Variants in SGCG observed in about 807,000 individuals in gnomAD.
The protein encoded by SGCG is gamma-sarcoglycan.
Under a neutral mutation model 29.3 loss-of-function variants are expected in SGCG, and 26 were observed. The observed-to-expected ratio is 0.89, with a 90% CI of 0.65 to 1.23. SGCG has a LOEUF of 1.23. Ranked by LOEUF, SGCG falls within the 50% of genes most tolerant of loss-of-function variation. The pLI is 0.00. For missense variants in SGCG, 353 were observed against 356.0 expected (o/e 0.99, Z 0.07); for synonymous variants, 145 against 129.7 (o/e 1.12, Z -0.80).
At chr13:23,166,525 T>G in the SGCG span, among the ~76,000 whole-genome samples, 1 of 152,176 alleles carries the variant, frequency 6.6e-6, no homozygotes, top group Non-Finnish European at 1.5e-5. Flanking sequence ...TCCCTGTATT[T>G]GTCTGTCTGT....
At chr13:23,290,439 T>C (rs1881656282) in intron 5 of SGCG, among the ~76,000 whole-genome samples, 1 of 152,230 alleles carries the variant, frequency 6.6e-6, no homozygotes, top group Non-Finnish European at 1.5e-5. Context: ...TAATCGTTTT[T>C]CTGGTGTCAA....
Position 23,260,980 on chromosome 13 carries a change from A to G in SGCG, c.385+10263A>G, listed in dbSNP as rs140642045. On this transcript the variant is annotated intron_variant, in intron 4 of 7. Coordinates refer to ENST00000218867, the MANE Select transcript of SGCG (RefSeq NM_000231.3). ...GGCTGCCGTTAACATTTTTTCCTTC[A>G]TTTCAACCTTGGTGAATCTGACAAT... Among the ~76,000 whole-genome samples the G allele has an allele frequency of 2.8e-3, 429 of 152,042 alleles. 3 individuals carry two copies. Among genetic ancestry groups the G allele is most frequent in the African/African-American group, 9.9e-3 (411 of 41,482 alleles).
chr13:23,225,288 A>ATTT (rs1878853290), intron 2 of SGCG, among the ~76,000 whole-genome samples: 1 of 152,186 alleles, frequency 6.6e-6, no homozygotes, highest in Non-Finnish European at 1.5e-5. Context: ...TTGAAACATT[A>ATTT]TTTTGTATTA....
At chr13:23,299,562 C>T (rs1396469263) in intron 6 of SGCG, among the ~76,000 whole-genome samples, 2 of 149,154 alleles carry the variant, frequency 1.3e-5, no homozygotes, top group South Asian at 4.3e-4. Context: ...ACACCATTCT[C>T]CTGCCTCAGC....
rs116686665 is a variant in SGCG at position 23,199,399 on chromosome 13, C to G, written c.1-4296C>G. Among the ~76,000 whole-genome samples, 227 of 152,288 alleles carry G rather than the reference C, an allele frequency of 1.5e-3. 1 individual carries two copies. The highest frequency in any genetic ancestry group is 5.3e-3 in the African/African-American group (222 of 41,566). Reference sequence around the variant, plus strand: ...ACATGAATACCACTAATGCAGTTGCCTGACCTCCAAGTGCTGAAGCATTGA... The same window carrying G: ...ACATGAATACCACTAATGCAGTTGCGTGACCTCCAAGTGCTGAAGCATTGA... On this transcript the variant is annotated intron_variant, in intron 1 of 7. Coordinates refer to ENST00000218867, the MANE Select transcript of SGCG (RefSeq NM_000231.3).
At chr13:23,163,534 C>A in the SGCG span, among the ~76,000 whole-genome samples, 5 of 152,124 alleles carry the variant, frequency 3.3e-5, no homozygotes, top group African/African-American at 7.2e-5. Flanking sequence ...TAAATTAAAT[C>A]CCAGCATGGA....
At chr13:23,252,912 G>A (rs546414518) in intron 4 of SGCG, among the ~76,000 whole-genome samples, 1 of 152,246 alleles carries the variant, frequency 6.6e-6, no homozygotes, top group Admixed American at 6.5e-5. Context: ...AAACAGGAAA[G>A]ACTGAGGGCT....
intron 1 of SGCG, among the ~76,000 whole-genome samples, chr13:23,187,265 G>A (rs1230416697): frequency 2.6e-5 from 4 of 152,228 alleles, no homozygotes; most frequent in Non-Finnish European, 5.9e-5. Flanking sequence ...GGCTGTTAAC[G>A]TGGTAAAAGA....
rs60718653 is a variant in SGCG, at chr13:23,225,780, T to TACACACACACACACACAC, written c.196-8820_196-8803dup. ...CCAGGCCCTCTGAGAGGACATGTCA[T>TACACACACACACACACAC]ACACACACACACACACACACACACA... On this transcript the variant is annotated intron_variant, in intron 2 of 7. Coordinates refer to ENST00000218867, the MANE Select transcript of SGCG (RefSeq NM_000231.3). Among the ~76,000 whole-genome samples, 843 of 148,646 alleles carry TACACACACACACACACAC rather than the reference T, an allele frequency of 5.7e-3. 6 individuals carry two copies. Among genetic ancestry groups the TACACACACACACACACAC allele is most frequent in the African/African-American group, 0.016 (652 of 40,022 alleles).
chr13:23,229,205 A>G (rs999859293), intron 2 of SGCG, among the ~76,000 whole-genome samples: 2 of 152,112 alleles, frequency 1.3e-5, no homozygotes, highest in African/African-American at 4.8e-5. Context: ...CTGTTGATGG[A>G]CATTTAAGTT....
intron 1 of SGCG, among the ~76,000 whole-genome samples, chr13:23,202,292 G>A (rs1242417664): frequency 6.6e-6 from 1 of 152,144 alleles, no homozygotes; most frequent in Non-Finnish European, 1.5e-5. Flanking sequence ...TTTACACATT[G>A]ACTGCTGGGT....
chr13:23,288,820 C>T (rs1249241119), intron 5 of SGCG, among the ~76,000 whole-genome samples: 6 of 152,198 alleles, frequency 3.9e-5, no homozygotes, highest in Non-Finnish European at 7.3e-5. Context: ...TTTTAGCTCC[C>T]TGGCAACAAT....
intron 1 of SGCG, among the ~76,000 whole-genome samples, chr13:23,198,963 C>T (rs939381267): frequency 5.3e-5 from 8 of 151,560 alleles, no homozygotes; most frequent in African/African-American, 1.5e-4. Context: ...AAAAAATTAG[C>T]GGGGCGTGGT....
chr13:23,192,584 C>T (rs898237488), intron 1 of SGCG, among the ~76,000 whole-genome samples: 5 of 151,722 alleles, frequency 3.3e-5, no homozygotes, highest in Non-Finnish European at 5.9e-5. Flanking sequence ...TTAGTAGAGA[C>T]GGGGTTTCAC....
chr13:23,284,972 C>G (rs1332793564), intron 5 of SGCG, among the ~76,000 whole-genome samples: 1 of 152,186 alleles, frequency 6.6e-6, no homozygotes, highest in East Asian at 1.9e-4. Flanking sequence ...CTTGTTCCTT[C>G]CTCTGGAAGT....
intron 6 of SGCG, 104 bp downstream of exon 6, chr13:23,295,591 C>T: frequency 1.2e-6 from 1 of 829,348 alleles, no homozygotes; most frequent in Non-Finnish European, 2.1e-6. Flanking sequence ...TTTCTTATTT[C>T]ATCAGTTGCC....
chr13:23,189,971 C>T (rs1396811863), intron 1 of SGCG, among the ~76,000 whole-genome samples: 3 of 152,064 alleles, frequency 2.0e-5, no homozygotes, highest in Non-Finnish European at 4.4e-5. Flanking sequence ...AAATAATTAC[C>T]CCTTTAGTCT....
intron 1 of SGCG, among the ~76,000 whole-genome samples, chr13:23,188,842 C>T (rs1291323239): frequency 1.3e-5 from 2 of 152,136 alleles, no homozygotes; most frequent in Non-Finnish European, 2.9e-5. Context: ...TGTGCCAGTT[C>T]AATGGCACAC....
intron 4 of SGCG, among the ~76,000 whole-genome samples, chr13:23,278,857 G>A (rs1357253385): frequency 1.3e-5 from 2 of 152,316 alleles, no homozygotes; most frequent in African/African-American, 2.4e-5. Context: ...AGTGATGCCT[G>A]TTTTCCCCGT....
Sources: gnomAD v4.1 joint callset for allele counts (sites outside exome capture counted in the v4.1 genomes callset) on GRCh38, gnomAD v4.1.1 for gene constraint, MANE v1.5 for transcripts, NCBI Gene and HGNC (gene_info 2026-07-23, HGNC 2026-07-21) for gene names.